PRR5: variants seen among roughly 807,000 people sequenced by gnomAD.
PRR5 encodes proline-rich protein 5.
A neutral mutation model predicts 30.6 loss-of-function variants in PRR5; 25 were observed. The observed-to-expected ratio is 0.82, with a 90% CI of 0.60 to 1.14. The LOEUF (loss-of-function observed/expected upper bound fraction) is 1.14, where lower values mean the gene tolerates loss of function less well. Ranked by LOEUF, PRR5 falls within the 50% of genes most tolerant of loss-of-function variation. The pLI is 0.00. For synonymous variants in PRR5, 286 were observed against 247.1 expected, an observed-to-expected ratio of 1.16 and a Z score of -1.48; for missense variants, 600 against 547.1, an observed-to-expected ratio of 1.10 and a Z score of -0.96.
intron 1 of PRR5, among the ~76,000 whole-genome samples, chr22:44,712,295 CTGA>C (rs1928368310): frequency 6.6e-6 from 1 of 152,190 alleles, no homozygotes; most frequent in African/African-American, 2.4e-5. Context: ...CGCTGAGAAG[CTGA>C]TGAAGCCCTG....
intron 2 of PRR5, among the ~76,000 whole-genome samples, chr22:44,720,614 G>A (rs6006856): frequency 0.82 from 125,492 of 152,198 alleles, 51,810 homozygotes; most frequent in East Asian, 0.89. Context: ...TACACGCTTG[G>A]GAGGTGGACG....
chr22:44,679,792 A>G (rs761147816), intron 1 of PRR5: 16 of 1,593,826 alleles, frequency 1.0e-5, no homozygotes, highest in Non-Finnish European at 1.2e-5. Flanking sequence ...GTCAGAAGAC[A>G]TAGAGCCATG....
upstream of PRR5, among the ~76,000 whole-genome samples, chr22:44,675,113 G>A (rs1298869597): frequency 6.6e-6 from 1 of 150,966 alleles, no homozygotes; most frequent in Non-Finnish European, 1.5e-5. Flanking sequence ...AGCCGGGCGT[G>A]GTGGCAGTCG....
At chr22:44,731,248 C>G in intron 4 of PRR5, 1 of 261,604 alleles carries the variant, frequency 3.8e-6, no homozygotes, top group Non-Finnish European at 7.6e-6. Context: ...CTTACCTGTG[C>G]AGGTCTCCTG....
intron 6 of PRR5, 134 bp from the exon 7 acceptor site, chr22:44,734,893 G>A: frequency 7.7e-7 from 1 of 1,292,808 alleles, no homozygotes; most frequent in Non-Finnish European, 1.1e-6. Flanking sequence ...CTGCCATGGG[G>A]ACAGAGAGCC....
At chr22:44,680,984 C>A (rs1924229863) in intron 1 of PRR5, among the ~76,000 whole-genome samples, 1 of 152,228 alleles carries the variant, frequency 6.6e-6, no homozygotes, top group Admixed American at 6.5e-5. Flanking sequence ...CTCACTGGAC[C>A]CTGGCATTCC....
chr22:44,724,532 G>A (rs542419203), intron 2 of PRR5, among the ~76,000 whole-genome samples: 37 of 152,300 alleles, frequency 2.4e-4, no homozygotes, highest in Non-Finnish European at 4.4e-4. Flanking sequence ...GGTCATATCT[G>A]GGGCCTCAGC....
chr22:44,713,054 C>T (rs925181237), intron 1 of PRR5, among the ~76,000 whole-genome samples: 7 of 152,168 alleles, frequency 4.6e-5, no homozygotes, highest in African/African-American at 9.6e-5. Flanking sequence ...AGAGATGTGG[C>T]GCTACCCGGA....
intron 1 of PRR5, among the ~76,000 whole-genome samples, chr22:44,687,573 A>G (rs1200119975): frequency 1.3e-5 from 2 of 152,156 alleles, no homozygotes; most frequent in Non-Finnish European, 2.9e-5. Context: ...CAGTGGGTAG[A>G]TCTTTTTCTA....
intron 2 of PRR5, among the ~76,000 whole-genome samples, chr22:44,717,799 C>T (rs547712102): frequency 1.3e-5 from 2 of 152,012 alleles, no homozygotes; most frequent in Admixed American, 6.6e-5. Context: ...TCACCACAAC[C>T]TCCACCTCCC....
chr22:44,711,402 T>A (rs1422597899), intron 1 of PRR5, among the ~76,000 whole-genome samples: 1 of 151,410 alleles, frequency 6.6e-6, no homozygotes, highest in Non-Finnish European at 1.5e-5. Flanking sequence ...CTCAAGGGGG[T>A]AGTCAGGAGG....
chr22:44,684,995 G>GA (rs1924619658), intron 1 of PRR5, among the ~76,000 whole-genome samples: 1 of 152,176 alleles, frequency 6.6e-6, no homozygotes, highest in South Asian at 2.1e-4. Context: ...GGTGGCCGCT[G>GA]GGGTTACTGA....
intron 2 of PRR5, among the ~76,000 whole-genome samples, chr22:44,723,958 T>G (rs1471227650): frequency 1.3e-5 from 2 of 152,190 alleles, no homozygotes; most frequent in African/African-American, 4.8e-5. Flanking sequence ...TAGGGACCAA[T>G]CAGAGACTGA....
intron 4 of PRR5, chr22:44,730,411 C>T: frequency 1.0e-6 from 1 of 985,398 alleles, no homozygotes. Flanking sequence ...CAGCAGCCCT[C>T]ATCCCAGCTC....
chr22:44,712,485 G>T (rs933793513), intron 1 of PRR5, among the ~76,000 whole-genome samples: 1 of 152,208 alleles, frequency 6.6e-6, no homozygotes, highest in Non-Finnish European at 1.5e-5. Context: ...GGCCAGTCCC[G>T]GCTCCGTGTG....
intron 1 of PRR5, chr22:44,679,862 G>C (rs375407566): frequency 1.3e-6 from 2 of 1,588,588 alleles, no homozygotes; most frequent in Non-Finnish European, 1.7e-6. Flanking sequence ...AAAAGATGCC[G>C]GCGCAGCCTG....
rs1925275896 is a variant in PRR5 at position 44,691,932 on chromosome 22, C to T, written c.-10-10560C>T. On this transcript the variant is annotated intron_variant, in intron 1 of 8. Transcript: ENST00000006251. The surrounding 1 kb of genome is among the most constrained non-coding windows in gnomAD (Gnocchi z 4.4). ...CCAGTGTCCAGAGGAGCCGACATCACCTCCACAGTCGGCTCTGTGGGCTCA... is the reference window on the plus strand; with the variant it reads ...CCAGTGTCCAGAGGAGCCGACATCATCTCCACAGTCGGCTCTGTGGGCTCA... 6.6e-6 allele frequency among the ~76,000 whole-genome samples: 1 copy of T among 152,080 alleles called. No homozygotes were observed. The highest frequency in any genetic ancestry group is 6.5e-5 in the Admixed American group (1 of 15,272).
At chr22:44,729,219 C>A in intron 4 of PRR5, 1 of 838,438 alleles carries the variant, frequency 1.2e-6, no homozygotes, top group Non-Finnish European at 1.4e-6. Flanking sequence ...ACACCCTTGA[C>A]CTGGTCCACC....
At chr22:44,686,412 C>T (rs1336435955) in intron 1 of PRR5, among the ~76,000 whole-genome samples, 1 of 152,132 alleles carries the variant, frequency 6.6e-6, no homozygotes, top group Non-Finnish European at 1.5e-5. Flanking sequence ...ACTCGGCTCA[C>T]TGCAACGTGT....
Sources: gnomAD v4.1 joint callset for allele counts (sites outside exome capture counted in the v4.1 genomes callset) on GRCh38, gnomAD v4.1.1 for gene constraint, Gnocchi (gnomAD v3.1) non-coding constraint, MANE v1.5 for transcripts, NCBI Gene and HGNC (gene_info 2026-07-23, HGNC 2026-07-21) for gene names.